BCAT1: variants seen among roughly 807,000 people sequenced by gnomAD.
BCAT1 encodes the protein branched-chain-amino-acid aminotransferase, cytosolic.
A neutral mutation model predicts 52.4 loss-of-function variants in BCAT1; 48 were observed. That is an observed-to-expected ratio of 0.92 (90% CI 0.73 to 1.16). BCAT1 has a LOEUF of 1.16. Ranked by LOEUF, BCAT1 falls within the 50% of genes most tolerant of loss-of-function variation. The pLI, the probability that BCAT1 is intolerant of heterozygous loss-of-function variation, is 0.00. For synonymous variants in BCAT1, 167 were observed against 161.3 expected (o/e 1.04, Z -0.27); for missense variants, 451 against 457.1 (o/e 0.99, Z 0.12).
At chr12:24,889,742 C>CCT (rs1046517122) in intron 3 of BCAT1, among the ~76,000 whole-genome samples, 1 of 152,194 alleles carries the variant, frequency 6.6e-6, no homozygotes, top group Admixed American at 6.5e-5. Context: ...GTAGTCCCAG[C>CCT]ACTTTCGGAG....
In BCAT1 at chr12:24,881,394, C is replaced by T. The variant is rs1481850309; in HGVS notation, c.297G>A (p.Lys99=). ...TTTTATTATCTACTCCTCGAAATGC[C>T]TTCAATCCTTCAAATAACTGGAGAT... ...HYAVELFEGL[K]AFRGVDNKIR... Residue 99 remains lysine, a synonymous_variant, in exon 4 of 11, where the codon AAG becomes AAA. Transcript: ENST00000261192. 2 of 1,608,138 alleles carry T rather than the reference C, an allele frequency of 1.2e-6. No individual in the cohort carries two copies. Among genetic ancestry groups the T allele is most frequent in the Admixed American group, 1.7e-5 (1 of 59,962 alleles).
intron 5 of BCAT1, among the ~76,000 whole-genome samples, chr12:24,853,405 C>T (rs1941574030): frequency 6.6e-6 from 1 of 152,082 alleles, no homozygotes; most frequent in Admixed American, 6.5e-5. Flanking sequence ...GCATTAGGTA[C>T]ATATAGACAC....
At chr12:24,852,183 T>A (rs1194591200) in intron 5 of BCAT1, among the ~76,000 whole-genome samples, 1 of 152,178 alleles carries the variant, frequency 6.6e-6, no homozygotes, top group Non-Finnish European at 1.5e-5. Context: ...GGTCTCCCAG[T>A]CATGCTTCCT....
rs1309817349 is a variant in BCAT1 at position 24,816,402 on chromosome 12, A to G, written c.*1606T>C. 1.0e-5 allele frequency: 4 copies of G among 397,120 alleles called. No homozygotes were observed. The highest frequency in any genetic ancestry group is 2.1e-5 in the African/African-American group (1 of 48,528). 24.6% of individuals were successfully genotyped at this position (397,120 alleles called of 1,614,324 possible). A position where few individuals can be genotyped will look rare whatever the true frequency, so the allele number is the denominator to read the frequency against. On this transcript the variant is annotated 3_prime_UTR_variant, in exon 11 of 11. Transcript: ENST00000261192. ...CTTCCAAGGAAAAATGTTTTCTGTCAAGATTTGACTTTCCTTAGATAAACC... is the reference window on the plus strand; with the variant it reads ...CTTCCAAGGAAAAATGTTTTCTGTCGAGATTTGACTTTCCTTAGATAAACC...
chr12:24,822,990 A>G (rs1246820254), intron 10 of BCAT1, among the ~76,000 whole-genome samples: 1 of 149,330 alleles, frequency 6.7e-6, no homozygotes, highest in Non-Finnish European at 1.5e-5. Flanking sequence ...TTACTTTTAA[A>G]CTTTTTTACA....
intron 1 of BCAT1, among the ~76,000 whole-genome samples, chr12:24,921,457 T>C (rs1943499484): frequency 6.6e-6 from 1 of 152,110 alleles, no homozygotes; most frequent in Non-Finnish European, 1.5e-5. Flanking sequence ...ACATACCTCC[T>C]CCAAAAGTCT....
intron 5 of BCAT1, among the ~76,000 whole-genome samples, chr12:24,864,397 GGAA>G (rs1941942188): frequency 6.6e-6 from 1 of 152,126 alleles, no homozygotes; most frequent in Non-Finnish European, 1.5e-5. Flanking sequence ...GAGAAGATGA[GGAA>G]GAAGATATTG....
At chr12:24,888,007 CA>C (rs942770815) in intron 3 of BCAT1, among the ~76,000 whole-genome samples, 20 of 152,128 alleles carry the variant, frequency 1.3e-4, no homozygotes, top group African/African-American at 4.6e-4. Flanking sequence ...TTTAATTTTG[CA>C]TTTAAAAAAT....
At chr12:24,825,797 T>C (rs1191795483) in intron 10 of BCAT1, among the ~76,000 whole-genome samples, 2 of 152,212 alleles carry the variant, frequency 1.3e-5, no homozygotes, top group South Asian at 4.1e-4. Flanking sequence ...TCATCCATTC[T>C]TTGGGTAATC....
At position 24,824,177 on chromosome 12, in the gene BCAT1, GACT is replaced by G. The variant is rs370611828; in HGVS notation, c.1119+5643_1119+5645del. ...AGAGTTCAATTTTTCTCAGCCTAGT[GACT>G]ACGTTTTCCTTTTCTATTAATCCTT... On this transcript the variant is annotated intron_variant, in intron 10 of 10. Coordinates refer to ENST00000261192, the MANE Select transcript of BCAT1 (RefSeq NM_005504.7). 5.5e-3 allele frequency among the ~76,000 whole-genome samples: 840 copies of G among 152,156 alleles called. 8 individuals are homozygous for G. Among genetic ancestry groups the G allele is most frequent in the African/African-American group, 0.019 (790 of 41,488 alleles).
At chr12:24,932,582 AC>A (rs2139744903) in intron 1 of BCAT1, among the ~76,000 whole-genome samples, 1 of 152,378 alleles carries the variant, frequency 6.6e-6, no homozygotes, top group African/African-American at 2.4e-5. Flanking sequence ...GTTAATACTT[AC>A]AGTACTTACA....
chr12:24,902,114 T>C (rs1591859145), intron 1 of BCAT1: 2 of 1,463,886 alleles, frequency 1.4e-6, no homozygotes, highest in African/African-American at 2.8e-5. Context: ...GTTTTTGTCC[T>C]CCTCCGCCGG....
chr12:24,850,828 G>A (rs1203051574), intron 5 of BCAT1, among the ~76,000 whole-genome samples: 1 of 152,176 alleles, frequency 6.6e-6, no homozygotes, highest in Non-Finnish European at 1.5e-5. Flanking sequence ...TGGATGGGAA[G>A]GCTGCCCGAA....
intron 1 of BCAT1, among the ~76,000 whole-genome samples, chr12:24,938,736 G>A (rs567773821): frequency 1.6e-4 from 25 of 152,132 alleles, no homozygotes; most frequent in African/African-American, 3.9e-4. Context: ...GTCTTCTTTC[G>A]TGATTCTGCT....
chr12:24,878,544 A>ATGTAGGAC lies in BCAT1; in HGVS notation c.488_495dup (p.Phe166ValfsTer25), dbSNP rs1246887968. The stretch of plus-strand genomic sequence containing the variant: ...TCAGTTTGCACCTCAGTTCCAATGA[A>ATGTAGGAC]TGTAGGACGAATATACAGACTAGCA... On this transcript the variant is annotated frameshift_variant, in exon 5 of 11. Coordinates refer to ENST00000261192, the MANE Select transcript of BCAT1 (RefSeq NM_005504.7). LOFTEE classifies it high-confidence loss of function. 3.1e-6 allele frequency: 5 copies of ATGTAGGAC among 1,610,190 alleles called. No individual in the cohort carries two copies. Among genetic ancestry groups the ATGTAGGAC allele is most frequent in the Middle Eastern group, 1.6e-4 (1 of 6,072 alleles).
At chr12:24,830,847 T>A (rs907066944) in intron 9 of BCAT1, 2 of 152,190 alleles carry the variant, frequency 1.3e-5, no homozygotes, top group Non-Finnish European at 2.9e-5. Context: ...TATCTGTTGA[T>A]GCAATTATGT....
intron 8 of BCAT1, among the ~76,000 whole-genome samples, chr12:24,833,134 T>C (rs544862594): frequency 1.3e-5 from 2 of 152,356 alleles, no homozygotes; most frequent in Admixed American, 6.5e-5. Flanking sequence ...CTTTAACATA[T>C]GCCTTCTTTT....
chr12:24,933,936 C>T (rs557476289), intron 1 of BCAT1, among the ~76,000 whole-genome samples: 8 of 152,036 alleles, frequency 5.3e-5, no homozygotes, highest in Non-Finnish European at 1.0e-4. Context: ...GTCACCCCAC[C>T]CTAATCTTAT....
chr12:24,844,894 C>CAAAAAAAAAAAAAAAAAAAAAAAAAA (rs11318750), intron 6 of BCAT1, among the ~76,000 whole-genome samples: 1 of 36,002 alleles, frequency 2.8e-5, no homozygotes, highest in Non-Finnish European at 5.1e-5. Context: ...GAGACTGTCT[C>CAAAAAAAAAAAAAAAAAAAAAAAAAA]AAAAAAAAAA....
Sources: gnomAD v4.1 joint callset for allele counts (sites outside exome capture counted in the v4.1 genomes callset) on GRCh38, gnomAD v4.1.1 for gene constraint, MANE v1.5 for transcripts, NCBI Gene and HGNC (gene_info 2026-07-23, HGNC 2026-07-21) for gene names.